The following TEC variants were observed in gnomAD, a reference collection of about 807,000 sequenced individuals.
The protein encoded by TEC is tec protein tyrosine kinase.
TEC carries 72 observed loss-of-function variants against 93.0 expected under a neutral mutation model. The ratio of observed to expected loss-of-function variants is 0.77; its 90% CI spans 0.64 to 0.94. The LOEUF (loss-of-function observed/expected upper bound fraction) is 0.94, where lower values mean the gene tolerates loss of function less well. Among genes scored for constraint, TEC ranks in the 40% least tolerant of loss-of-function variants. The probability of loss-of-function intolerance (pLI) is 0.00; values close to 1 mark genes in which losing one functional copy is unlikely to be tolerated. For synonymous variants in TEC, 249 were observed against 247.7 expected (o/e 1.01, Z -0.05); for missense variants, 630 against 757.9 (o/e 0.83, Z 1.98).
At position 48,228,532 on chromosome 4, in the gene TEC, T is replaced by C; in HGVS notation, c.83A>G (p.Glu28Gly). ...GGACTTTGTAAGTACAAAAAGTCTC[T>C]CTTTGTAGTTTAAGGGCGATGTCTT... ...KKKTSPLNYK[E>G]RLFVLTKSML... The change falls in exon 2 of 18, where the codon GAG (glutamate) becomes GGG (glycine). Residue 28 changes from glutamate to glycine, a missense_variant. Transcript: ENST00000381501. 1 of 1,613,664 alleles carries C rather than the reference T, an allele frequency of 6.2e-7. No individual in the cohort carries two copies. The highest frequency in any genetic ancestry group is 8.5e-7 in the Non-Finnish European group (1 of 1,179,976).
At chr4:48,266,421 A>T (rs535109598) in intron 1 of TEC, among the ~76,000 whole-genome samples, 14 of 152,338 alleles carry the variant, frequency 9.2e-5, no homozygotes, top group African/African-American at 3.4e-4. Context: ...CTTCTTGAGG[A>T]AAACGAAATT....
chr4:48,141,000 G>GA (rs1456569091), intron 15 of TEC, among the ~76,000 whole-genome samples: 1 of 151,852 alleles, frequency 6.6e-6, no homozygotes, highest in East Asian at 1.9e-4. Context: ...GGAGAAGAGA[G>GA]AAAAAATAAA....
At chr4:48,139,469 A>G (rs1488668283) in intron 15 of TEC, among the ~76,000 whole-genome samples, 1 of 152,178 alleles carries the variant, frequency 6.6e-6, no homozygotes, top group African/African-American at 2.4e-5. Context: ...ACAGAGCACA[A>G]TTTAAAACTA....
At position 48,262,406 on chromosome 4, in the gene TEC, A is replaced by G. The variant is rs1724519222; in HGVS notation, c.-46+7346T>C. ...AAGATGGGGTTTCACCATATTGGCCAGGCTGGTCTTGAACTCCTGACTTCA... is the reference window on the plus strand; with the variant it reads ...AAGATGGGGTTTCACCATATTGGCCGGGCTGGTCTTGAACTCCTGACTTCA... On this transcript the variant is annotated intron_variant, in intron 1 of 17. Transcript: ENST00000381501. 2.0e-5 allele frequency among the ~76,000 whole-genome samples: 3 copies of G among 152,018 alleles called. No individual in the cohort carries two copies. In the South Asian group the frequency reaches 6.2e-4, roughly 32 times the overall value.
intron 2 of TEC, among the ~76,000 whole-genome samples, chr4:48,185,648 C>T (rs1721789764): frequency 6.6e-6 from 1 of 151,914 alleles, no homozygotes; most frequent in African/African-American, 2.4e-5. Flanking sequence ...ATTAAGAAAC[C>T]AGTAATATAT....
At position 48,147,780 on chromosome 4, in the gene TEC, T is replaced by C. The variant is rs537976551; in HGVS notation, c.1007-1381A>G. ...TGAGAACCTAAGCATTCCACAAATATTGTGTTAGGCTCTGGGTTGTAACTC... is the reference window on the plus strand; with the variant it reads ...TGAGAACCTAAGCATTCCACAAATACTGTGTTAGGCTCTGGGTTGTAACTC... On this transcript the variant is annotated intron_variant, in intron 11 of 17. Transcript: ENST00000381501. Among the ~76,000 whole-genome samples the C allele has an allele frequency of 8.5e-5, 13 of 152,332 alleles. No homozygotes were observed. The South Asian group carries it at 2.5e-3, about 29-fold the overall frequency.
chr4:48,223,800 A>G (rs1036581767), intron 2 of TEC, among the ~76,000 whole-genome samples: 12 of 152,188 alleles, frequency 7.9e-5, no homozygotes, highest in Admixed American at 2.0e-4. Flanking sequence ...CCTAAACTGT[A>G]CAATGCAGTT....
At chr4:48,236,552 G>A (rs1424661425) in intron 1 of TEC, among the ~76,000 whole-genome samples, 1 of 152,142 alleles carries the variant, frequency 6.6e-6, no homozygotes, top group Non-Finnish European at 1.5e-5. Context: ...AAAGTGCTGG[G>A]ATTACAGGCG....
At chr4:48,143,518 T>C (rs1409026092) in intron 14 of TEC, among the ~76,000 whole-genome samples, 2 of 152,180 alleles carry the variant, frequency 1.3e-5, no homozygotes, top group African/African-American at 2.4e-5. Flanking sequence ...ACAAAGCCCA[T>C]TGCCCCAGTC....
chr4:48,234,533 T>C (rs1723733107), intron 1 of TEC, among the ~76,000 whole-genome samples: 1 of 152,128 alleles, frequency 6.6e-6, no homozygotes, highest in African/African-American at 2.4e-5. Flanking sequence ...ACTGAATGTA[T>C]GGGGAGAAGA....
rs190042440 is a variant in TEC at position 48,161,656 on chromosome 4, T to C, written c.737+2046A>G. Among the ~76,000 whole-genome samples, 430 of 151,374 alleles carry C rather than the reference T, an allele frequency of 2.8e-3. 2 individuals carry two copies. Among genetic ancestry groups the C allele is most frequent in the Non-Finnish European group, 4.0e-3 (273 of 67,882 alleles). On this transcript the variant is annotated intron_variant, in intron 8 of 17. Coordinates refer to ENST00000381501, the MANE Select transcript of TEC (RefSeq NM_003215.3). The stretch of plus-strand genomic sequence containing the variant: ...ATTTAAGTTGTTGTGATGGTTAATA[T>C]TGAGTGTCAACTTGATTGGATTGAA...
At chr4:48,175,197 T>G (rs918714091) in intron 3 of TEC, among the ~76,000 whole-genome samples, 1 of 152,224 alleles carries the variant, frequency 6.6e-6, no homozygotes, top group Non-Finnish European at 1.5e-5. Context: ...GCTTGGATAT[T>G]TTGGCTCACT....
At chr4:48,146,219 T>TA (rs1719899782) in intron 12 of TEC, 106 bp downstream of exon 12, 1 of 1,032,138 alleles carries the variant, frequency 9.7e-7, no homozygotes, top group Non-Finnish European at 1.4e-6. Context: ...TATAAACTTA[T>TA]AAAAAACAGT....
chr4:48,165,499 A>G (rs1405744410), intron 7 of TEC, among the ~76,000 whole-genome samples: 1 of 152,172 alleles, frequency 6.6e-6, no homozygotes, highest in Non-Finnish European at 1.5e-5. Flanking sequence ...GAACCCCCAA[A>G]TCATCAGGGT....
chr4:48,186,336 A>T (rs1037153353), intron 2 of TEC, among the ~76,000 whole-genome samples: 4 of 147,886 alleles, frequency 2.7e-5, no homozygotes, highest in Admixed American at 2.7e-4. Context: ...GGATGTGAGG[A>T]GCCCCTCTGA....
At chr4:48,140,478 A>G (rs76917040) in intron 15 of TEC, among the ~76,000 whole-genome samples, 2,035 of 152,288 alleles carry the variant, frequency 0.013, 50 homozygotes, top group African/African-American at 0.043. Context: ...ATCATCATTC[A>G]GCACCACCCC....
At chr4:48,175,993 C>CCAAT (rs1721309272) in intron 3 of TEC, 89 bp downstream of exon 3, 3 of 998,544 alleles carry the variant, frequency 3.0e-6, no homozygotes, top group East Asian at 2.4e-5. Context: ...TACAAATCAG[C>CCAAT]CAGCAAAGCA....
intron 7 of TEC, 127 bp from the exon 8 acceptor site, chr4:48,163,894 AC>A (rs1471428941): frequency 4.0e-6 from 2 of 505,798 alleles, no homozygotes; most frequent in Admixed American, 4.4e-5. Context: ...AGACTAGCTG[AC>A]CCCCCAAAAT....
chr4:48,161,141 C>A (rs1016410984), intron 8 of TEC, among the ~76,000 whole-genome samples: 44 of 151,978 alleles, frequency 2.9e-4, no homozygotes, highest in African/African-American at 9.7e-4. Context: ...AAAGGTCAGA[C>A]CCTTGCCAAG....
Sources: allele counts gnomAD v4.1 joint callset (sites outside exome capture counted in the v4.1 genomes callset), GRCh38; gene constraint gnomAD v4.1.1; transcripts MANE v1.5; gene names NCBI Gene and HGNC (gene_info 2026-07-23, HGNC 2026-07-21).